ZNF480: variants seen among roughly 807,000 people sequenced by gnomAD.
ZNF480 encodes zinc finger protein 480.
A neutral mutation model predicts 14.4 loss-of-function variants in ZNF480; 15 were observed. That is an observed-to-expected ratio of 1.04 (90% CI 0.70 to 1.60). The LOEUF (loss-of-function observed/expected upper bound fraction) is 1.60, where lower values mean the gene tolerates loss of function less well. ZNF480 is among the 40% of genes most tolerant of loss of function. The pLI is 0.00. For synonymous variants in ZNF480, 218 were observed against 215.5 expected, an observed-to-expected ratio of 1.01 and a Z score of -0.10; for missense variants, 593 against 629.7, an observed-to-expected ratio of 0.94 and a Z score of 0.62.
chr19:52,319,823 T>G (rs1378529581), intron 4 of ZNF480, among the ~76,000 whole-genome samples: 12 of 109,414 alleles, frequency 1.1e-4, no homozygotes, highest in East Asian at 6.9e-4. Context: ...TTTTTTTTTT[T>G]TTTTTTTTTT....
chr19:52,312,407 G>A (rs769117062), intron 2 of ZNF480, among the ~76,000 whole-genome samples: 7 of 151,998 alleles, frequency 4.6e-5, no homozygotes, highest in Non-Finnish European at 7.4e-5. Context: ...TGATCCACCC[G>A]CCTTGACCTC....
rs149081606 is a variant in ZNF480, at chr19:52,321,923, C to T, written c.673C>T (p.His225Tyr). 2.5e-6 allele frequency: 4 copies of T among 1,614,062 alleles called. No homozygotes were observed. The highest frequency in any genetic ancestry group is 3.4e-6 in the Non-Finnish European group (4 of 1,180,012). The change falls in exon 5 of 5, where the codon CAT (histidine) becomes TAT (tyrosine). Residue 225 changes from histidine to tyrosine, a missense_variant. Physicochemically the swap from His to Tyr is moderately conservative, Grantham distance 83. Transcript: ENST00000595962. Reference sequence around the variant, plus strand: ...CAGCCTTACTAAACATCAAGTAATCCATACTGTAGAGAAACCTTACAAATG... The same window carrying T: ...CAGCCTTACTAAACATCAAGTAATCTATACTGTAGAGAAACCTTACAAATG... ...SSSLTKHQVI[H>Y]TVEKPYKCNS...
intron 2 of ZNF480, among the ~76,000 whole-genome samples, chr19:52,302,383 G>T (rs1029957726): frequency 6.6e-6 from 1 of 152,176 alleles, no homozygotes; most frequent in South Asian, 2.1e-4. Flanking sequence ...TGTAATTGCT[G>T]TTTTAGGGAG....
chr19:52,311,913 A>T (rs958177924), intron 2 of ZNF480, among the ~76,000 whole-genome samples: 1 of 152,206 alleles, frequency 6.6e-6, no homozygotes, highest in Non-Finnish European at 1.5e-5. Flanking sequence ...GTGCTAGTGT[A>T]TATGGGTCTA....
intron 4 of ZNF480, among the ~76,000 whole-genome samples, chr19:52,317,766 T>C (rs1037093060): frequency 6.6e-6 from 1 of 152,232 alleles, no homozygotes; most frequent in Non-Finnish European, 1.5e-5. Flanking sequence ...CTTGTTTCCA[T>C]AGTGACTGCA....
chr19:52,299,189 G>C (rs1233356640), intron 1 of ZNF480, among the ~76,000 whole-genome samples: 1 of 152,110 alleles, frequency 6.6e-6, no homozygotes, highest in Non-Finnish European at 1.5e-5. Context: ...GTAGGGTGTG[G>C]GCGAGTGTAA....
intron 4 of ZNF480, among the ~76,000 whole-genome samples, chr19:52,316,578 C>T (rs893719677): frequency 2.0e-5 from 3 of 152,050 alleles, no homozygotes; most frequent in Non-Finnish European, 2.9e-5. Context: ...ATTTTGAACC[C>T]CTAGGCTTAA....
intron 2 of ZNF480, 72 bp downstream of exon 2, chr19:52,300,556 C>A: frequency 6.3e-7 from 1 of 1,597,866 alleles, no homozygotes; most frequent in Non-Finnish European, 8.5e-7. Flanking sequence ...AGTTGGGAGT[C>A]TTCTCTGAGT....
intron 4 of ZNF480, among the ~76,000 whole-genome samples, chr19:52,317,789 TC>T (rs1320826619): frequency 6.6e-6 from 1 of 152,240 alleles, no homozygotes; most frequent in Non-Finnish European, 1.5e-5. Flanking sequence ...ATTTCAATTT[TC>T]CACCAACAGT....
At position 52,322,469 on chromosome 19, in the gene ZNF480, GTATT is replaced by G. The variant is rs1568637357; in HGVS notation, c.1222_1225del (p.Phe408IlefsTer39). 6.2e-7 allele frequency: 1 copy of G among 1,614,006 alleles called. No individual in the cohort carries two copies. Among genetic ancestry groups the G allele is most frequent in the South Asian group, 1.1e-5 (1 of 91,084 alleles). ...TTACAAATGTAATGAATGTGGAAAAGTATTTAATCAACTTTCAAATCTTGCACGA... is the reference window on the plus strand; with the variant it reads ...TTACAAATGTAATGAATGTGGAAAAGTAATCAACTTTCAAATCTTGCACGA... On this transcript the variant is annotated frameshift_variant, in exon 5 of 5. Transcript: ENST00000595962. LOFTEE classifies it low-confidence loss of function (END_TRUNC).
rs372031847 is a variant in ZNF480 at position 52,322,546 on chromosome 19, T to G, written c.1296T>G (p.Cys432Trp). The G allele has an allele frequency of 4.3e-6, 7 of 1,614,014 alleles. No homozygotes were observed. Among genetic ancestry groups the G allele is most frequent in the Non-Finnish European group, 5.9e-6 (7 of 1,180,014 alleles). ...AGAAGCCTTACAAATGTAATGAATGTGGTAAAGCATTTAGTGAGTATTCAG... is the reference window on the plus strand; with the variant it reads ...AGAAGCCTTACAAATGTAATGAATGGGGTAAAGCATTTAGTGAGTATTCAG... Reference protein sequence around the residue: ...TGEKPYKCNECGKAFSEYSGL... With the variant: ...TGEKPYKCNEWGKAFSEYSGL... The change falls in exon 5 of 5, where the codon TGT becomes TGG. Residue 432 changes from cysteine to tryptophan, a missense_variant. By Grantham distance (215) the Cys-to-Trp change is radical (BLOSUM62 -2). Transcript: ENST00000595962.
chr19:52,303,266 A>C (rs1982782605), intron 2 of ZNF480, among the ~76,000 whole-genome samples: 1 of 152,198 alleles, frequency 6.6e-6, no homozygotes, highest in Non-Finnish European at 1.5e-5. Context: ...TAATTGGTTT[A>C]AATTTAGTCA....
In ZNF480 at chr19:52,322,736, G is replaced by A. The variant is rs1184897124; in HGVS notation, c.1486G>A (p.Ala496Thr). 4 of 1,609,700 alleles carry A rather than the reference G, an allele frequency of 2.5e-6. No individual in the cohort carries two copies. Among genetic ancestry groups the A allele is most frequent in the Non-Finnish European group, 3.4e-6 (4 of 1,178,168 alleles). Residue 496 changes from alanine (A) to threonine (T), a missense_variant, in exon 5 of 5, where the codon GCA (alanine) becomes ACA (threonine). Transcript: ENST00000595962. ...ATGTGGCAAGGTCTTCAATCGAATTGCACACCTTGCACGACATCGGAAAAT... is the reference window on the plus strand; with the variant it reads ...ATGTGGCAAGGTCTTCAATCGAATTACACACCTTGCACGACATCGGAAAAT... ...NECGKVFNRI[A>T]HLARHRKIHT...
chr19:52,306,327 G>A (rs951905226), intron 2 of ZNF480, among the ~76,000 whole-genome samples: 7 of 152,148 alleles, frequency 4.6e-5, no homozygotes, highest in Non-Finnish European at 1.0e-4. Context: ...GAAGGGTATT[G>A]TTCCCTGCCT....
intron 2 of ZNF480, among the ~76,000 whole-genome samples, chr19:52,305,321 T>G (rs1982879243): frequency 6.6e-6 from 1 of 152,124 alleles, no homozygotes; most frequent in Non-Finnish European, 1.5e-5. Flanking sequence ...CCTTTAAATT[T>G]TTTTCCTTAA....
intron 4 of ZNF480, among the ~76,000 whole-genome samples, chr19:52,316,711 C>T (rs761276775): frequency 6.6e-6 from 1 of 151,994 alleles, no homozygotes. Flanking sequence ...TAACTAATTC[C>T]CCCGACAATT....
intron 2 of ZNF480, among the ~76,000 whole-genome samples, chr19:52,302,955 T>C (rs924669433): frequency 1.3e-5 from 2 of 152,202 alleles, no homozygotes; most frequent in Non-Finnish European, 2.9e-5. Context: ...AGCTCTAATA[T>C]GAGTAATGAA....
chr19:52,306,850 G>A (rs775059361), intron 2 of ZNF480, among the ~76,000 whole-genome samples: 26 of 152,020 alleles, frequency 1.7e-4, no homozygotes, highest in African/African-American at 5.3e-4. Context: ...GGCGCTGCTC[G>A]AACAGTCACT....
intron 2 of ZNF480, among the ~76,000 whole-genome samples, chr19:52,306,940 G>T (rs1258419826): frequency 1.3e-5 from 2 of 152,160 alleles, no homozygotes; most frequent in South Asian, 4.1e-4. Context: ...TCAAAATGAT[G>T]AGGGGGTGTA....
Sources: gnomAD v4.1 joint callset for allele counts (sites outside exome capture counted in the v4.1 genomes callset) on GRCh38, gnomAD v4.1.1 for gene constraint, MANE v1.5 for transcripts, NCBI Gene and HGNC (gene_info 2026-07-23, HGNC 2026-07-21) for gene names.